The following AFDN variants were observed in gnomAD, a reference collection of about 807,000 sequenced individuals.
AFDN encodes afadin.
A neutral mutation model predicts 216.6 loss-of-function variants in AFDN; 68 were observed. That is an observed-to-expected ratio of 0.31 (90% CI 0.26 to 0.38). The LOEUF (loss-of-function observed/expected upper bound fraction) is 0.38. Ranked by LOEUF, AFDN falls within the 10% of genes least tolerant of loss-of-function variation. The pLI is 1.00. For synonymous variants in AFDN, 868 were observed against 853.7 expected, an observed-to-expected ratio of 1.02 and a Z score of -0.29; for missense variants, 2,136 against 2,342.0, an observed-to-expected ratio of 0.91 and a Z score of 1.82.
intron 2 of AFDN, among the ~76,000 whole-genome samples, 179 bp from the exon 3 acceptor site, chr6:167,870,207 C>T (rs1469020042): frequency 6.6e-6 from 1 of 152,154 alleles, no homozygotes; most frequent in Non-Finnish European, 1.5e-5. Flanking sequence ...AATAAACATA[C>T]AGTAGCAACA....
chr6:167,931,519 A>G (rs1793299935), intron 23 of AFDN, among the ~76,000 whole-genome samples: 1 of 152,186 alleles, frequency 6.6e-6, no homozygotes, highest in Non-Finnish European at 1.5e-5. Flanking sequence ...TCAGAAATGA[A>G]GCATCTGTTA....
At chr6:167,929,027 C>G (rs148413035) in intron 23 of AFDN, among the ~76,000 whole-genome samples, 1 of 152,064 alleles carries the variant, frequency 6.6e-6, no homozygotes, top group Non-Finnish European at 1.5e-5. Context: ...TACTGGCTTC[C>G]GTGAGTCTAA....
intron 7 of AFDN, 98 bp from the exon 8 acceptor site, chr6:167,890,760 ACATG>A: frequency 1.8e-6 from 2 of 1,084,560 alleles, no homozygotes; most frequent in Non-Finnish European, 2.7e-6. Flanking sequence ...TTCCTAAATT[ACATG>A]CATCTTTTTG....
intron 23 of AFDN, among the ~76,000 whole-genome samples, chr6:167,926,849 T>A (rs1355195146): frequency 1.3e-5 from 2 of 152,222 alleles, no homozygotes; most frequent in African/African-American, 2.4e-5. Context: ...CTGTAGCATC[T>A]TCTTTGTAGC....
intron 19 of AFDN, among the ~76,000 whole-genome samples, chr6:167,916,549 G>T (rs774271419): frequency 3.3e-5 from 5 of 152,156 alleles, no homozygotes; most frequent in African/African-American, 4.8e-5. Flanking sequence ...TATCCCAGTG[G>T]CTTAACCAGC....
chr6:167,890,788 C>A, intron 7 of AFDN, 74 bp from the exon 8 acceptor site: 1 of 1,432,632 alleles, frequency 7.0e-7, no homozygotes, highest in Non-Finnish European at 9.5e-7. Context: ...AAGTTTTGCA[C>A]AGTTGACTGC....
chr6:167,832,168 A>T (rs887161258), intron 1 of AFDN, among the ~76,000 whole-genome samples: 2 of 152,208 alleles, frequency 1.3e-5, no homozygotes, highest in African/African-American at 4.8e-5. Flanking sequence ...CTACATTTAC[A>T]CTTGTAAGTT....
intron 15 of AFDN, chr6:167,911,897 C>T (rs1790451747): frequency 4.2e-6 from 1 of 236,220 alleles, no homozygotes; most frequent in African/African-American, 2.3e-5. Context: ...CAAAACGTCT[C>T]CATCACCTCA....
chr6:167,854,916 C>T (rs1782724635), intron 1 of AFDN, among the ~76,000 whole-genome samples: 1 of 151,624 alleles, frequency 6.6e-6, no homozygotes, highest in South Asian at 2.1e-4. Flanking sequence ...GAAAAACCAA[C>T]AAAACCATTG....
chr6:167,934,916 CTT>C (rs1183794901), intron 23 of AFDN, among the ~76,000 whole-genome samples: 2 of 152,114 alleles, frequency 1.3e-5, no homozygotes, highest in Non-Finnish European at 1.5e-5. Context: ...GGGGAGCAGT[CTT>C]TTCCTTGTTG....
At chr6:167,918,706 T>C (rs1208771672) in intron 20 of AFDN, 29 bp from the exon 21 acceptor site, 2 of 1,611,582 alleles carry the variant, frequency 1.2e-6, no homozygotes, top group Non-Finnish European at 1.7e-6. Flanking sequence ...GAGCATCTCT[T>C]TTTAATTTTG....
intron 1 of AFDN, among the ~76,000 whole-genome samples, chr6:167,853,188 G>A (rs1384334000): frequency 1.3e-5 from 2 of 151,952 alleles, no homozygotes; most frequent in Non-Finnish European, 2.9e-5. Flanking sequence ...ATTCAGAATG[G>A]CCTTGTATGG....
chr6:167,905,551 TG>T (rs1385220557), intron 12 of AFDN, among the ~76,000 whole-genome samples: 1 of 152,204 alleles, frequency 6.6e-6, no homozygotes, highest in African/African-American at 2.4e-5. Flanking sequence ...TGGGTCTATA[TG>T]TTCATGTATG....
intron 32 of AFDN, among the ~76,000 whole-genome samples, chr6:167,967,569 AT>A (rs946953819): frequency 6.6e-6 from 1 of 151,050 alleles, no homozygotes; most frequent in African/African-American, 2.4e-5. Flanking sequence ...AACCTAAGAT[AT>A]TTTTTTATGT....
At chr6:167,943,695 T>C (rs1208831331) in intron 25 of AFDN, among the ~76,000 whole-genome samples, 1 of 152,234 alleles carries the variant, frequency 6.6e-6, no homozygotes, top group East Asian at 1.9e-4. Flanking sequence ...TCAACACTTC[T>C]TTAAATTTCT....
chr6:167,918,682 A>G, intron 20 of AFDN, 53 bp from the exon 21 acceptor site: 1 of 1,551,826 alleles, frequency 6.4e-7, no homozygotes, highest in Non-Finnish European at 8.9e-7. Flanking sequence ...TGTTGGTCAC[A>G]TGCACCAGGC....
At chr6:167,941,081 A>G (rs28515757) in intron 23 of AFDN, among the ~76,000 whole-genome samples, 2 of 112 alleles carry the variant, frequency 0.018, no homozygotes, top group Non-Finnish European at 0.023. Context: ...GGATGTAGGG[A>G]TGAGGGTGGA....
intron 6 of AFDN, among the ~76,000 whole-genome samples, chr6:167,886,411 T>G (rs35099937): frequency 0.34 from 52,374 of 152,010 alleles, 9,773 homozygotes; most frequent in East Asian, 0.6. Flanking sequence ...GGGCATTGAT[T>G]GGGTAAGGGT....
chr6:167,922,625 G>C (rs1052847338), intron 21 of AFDN, among the ~76,000 whole-genome samples: 6 of 151,888 alleles, frequency 4.0e-5, no homozygotes, highest in Admixed American at 3.3e-4. Flanking sequence ...TTGGAACACA[G>C]AGGAGTGGGA....
Sources: gnomAD v4.1 joint callset for allele counts (sites outside exome capture counted in the v4.1 genomes callset) on GRCh38, gnomAD v4.1.1 for gene constraint, MANE v1.5 for transcripts, NCBI Gene and HGNC (gene_info 2026-07-23, HGNC 2026-07-21) for gene names.